The following SCAP variants were observed in gnomAD, a reference collection of about 807,000 sequenced individuals.
The protein encoded by SCAP is sterol regulatory element-binding protein cleavage-activating protein.
SCAP carries 65 observed loss-of-function variants against 123.6 expected under a neutral mutation model. The ratio of observed to expected loss-of-function variants is 0.53; its 90% confidence interval spans 0.43 to 0.65. The LOEUF is 0.65. Among genes scored for constraint, SCAP ranks in the 30% least tolerant of loss-of-function variants. The pLI is 0.00. For synonymous variants in SCAP, 740 were observed against 726.3 expected (o/e 1.02, Z -0.30); for missense variants, 1,398 against 1,712.5 (o/e 0.82, Z 3.24).
At chr3:47,464,387 T>A (rs920435579) in intron 1 of SCAP, among the ~76,000 whole-genome samples, 1 of 151,864 alleles carries the variant, frequency 6.6e-6, no homozygotes, top group African/African-American at 2.4e-5. Context: ...TTTTTTTTTT[T>A]AAAGTAGATA....
chr3:47,414,137 T>G, intron 22 of SCAP, 38 bp from the exon 23 acceptor site: 1 of 1,613,552 alleles, frequency 6.2e-7, no homozygotes, highest in East Asian at 2.2e-5. Context: ...TCCTGAGTCC[T>G]TCCCTAAAAT....
intron 3 of SCAP, among the ~76,000 whole-genome samples, chr3:47,429,508 C>T (rs754871670): frequency 9.2e-5 from 14 of 152,228 alleles, no homozygotes; most frequent in Non-Finnish European, 1.5e-4. Context: ...ACCACCACCA[C>T]GCCTAATTTT....
intron 8 of SCAP, among the ~76,000 whole-genome samples, chr3:47,424,492 T>C (rs1241743112): frequency 6.6e-6 from 1 of 152,232 alleles, no homozygotes; most frequent in African/African-American, 2.4e-5. Flanking sequence ...CTCACCTTTG[T>C]TGAGAAGCTG....
chr3:47,464,986 AAAAAC>A (rs768763943), intron 1 of SCAP, among the ~76,000 whole-genome samples: 1 of 152,184 alleles, frequency 6.6e-6, no homozygotes, highest in Non-Finnish European at 1.5e-5. Flanking sequence ...TGAACAATCT[AAAAAC>A]AAAATTAGGA....
intron 3 of SCAP, among the ~76,000 whole-genome samples, chr3:47,433,730 G>A (rs1352539200): frequency 6.6e-6 from 1 of 152,076 alleles, no homozygotes; most frequent in Non-Finnish European, 1.5e-5. Flanking sequence ...AGCCGGGTGT[G>A]GTGGCAACAT....
At chr3:47,432,760 C>T (rs1380929338) in intron 3 of SCAP, among the ~76,000 whole-genome samples, 2 of 152,186 alleles carry the variant, frequency 1.3e-5, no homozygotes, top group Non-Finnish European at 2.9e-5. Context: ...TCACTGCAGC[C>T]TTAAACTCCT....
At chr3:47,448,846 G>A (rs1206247052) in intron 1 of SCAP, among the ~76,000 whole-genome samples, 2 of 152,122 alleles carry the variant, frequency 1.3e-5, no homozygotes, top group Non-Finnish European at 2.9e-5. Flanking sequence ...GTTGCCATCT[G>A]TTGGCTGTCT....
At position 47,417,579 on chromosome 3, in the gene SCAP, C is replaced by T. The variant is rs1408897305; in HGVS notation, c.2695G>A (p.Ala899Thr). 1.3e-6 allele frequency: 2 copies of T among 1,592,268 alleles called. No individual in the cohort carries two copies. Reference sequence around the variant, plus strand: ...GAGTCCCGAGAGCGGCCACAGACCGCCCGGTGCCGGGGCTCGGGCTGAGTG... The same window carrying T: ...GAGTCCCGAGAGCGGCCACAGACCGTCCGGTGCCGGGGCTCGGGCTGAGTG... ...QPTQPEPRHR[A>T]VCGRSRDSPG... is the part of the protein sequence containing the mutation. Residue 899 changes from alanine (A) to threonine (T), a missense_variant, in exon 17 of 23, where the codon GCG becomes ACG. By Grantham distance (58) the Ala-to-Thr change is moderately conservative (BLOSUM62 0). Transcript: ENST00000265565.
chr3:47,476,405 G>A (rs1708273997), upstream of SCAP, among the ~76,000 whole-genome samples: 1 of 152,118 alleles, frequency 6.6e-6, no homozygotes, highest in Non-Finnish European at 1.5e-5. Flanking sequence ...AGGCCACAGT[G>A]AGACAAAAAA....
At chr3:47,458,540 T>C (rs921202884) in intron 1 of SCAP, among the ~76,000 whole-genome samples, 3 of 152,204 alleles carry the variant, frequency 2.0e-5, no homozygotes, top group African/African-American at 7.2e-5. Flanking sequence ...TTCAAGAAGA[T>C]GAGTACTGGC....
At chr3:47,470,651 T>A (rs2108030287) in intron 1 of SCAP, among the ~76,000 whole-genome samples, 1 of 152,128 alleles carries the variant, frequency 6.6e-6, no homozygotes, top group East Asian at 1.9e-4. Flanking sequence ...TCACCGGAGG[T>A]CAGGAGTTCA....
intron 1 of SCAP, among the ~76,000 whole-genome samples, chr3:47,460,293 C>T (rs1284364157): frequency 6.6e-6 from 1 of 152,050 alleles, no homozygotes; most frequent in Non-Finnish European, 1.5e-5. Context: ...TAAAGTAAGA[C>T]AAGCATAAGA....
At position 47,439,936 on chromosome 3, in the gene SCAP, A is replaced by G. The variant is rs938532494; in HGVS notation, c.122+2936T>C. Among the ~76,000 whole-genome samples the G allele has an allele frequency of 6.6e-6, 1 of 152,192 alleles. No homozygotes were observed. Among genetic ancestry groups the G allele is most frequent in the African/African-American group, 2.4e-5 (1 of 41,440 alleles). On this transcript the variant is annotated intron_variant, in intron 2 of 22. Transcript: ENST00000265565. The surrounding 1 kb of genome is among the most constrained non-coding windows in gnomAD (Gnocchi z 4.0). ...GTGCTGTTTGGGGTGAGCCTGATGCATATACAGATGCCCTCTCTCACTCCC... is the reference window on the plus strand; with the variant it reads ...GTGCTGTTTGGGGTGAGCCTGATGCGTATACAGATGCCCTCTCTCACTCCC...
At chr3:47,427,720 C>T (rs1706199959) in intron 4 of SCAP, 53 bp from the exon 5 acceptor site, 1 of 1,499,932 alleles carries the variant, frequency 6.7e-7, no homozygotes, top group Non-Finnish European at 9.2e-7. Context: ...ACAGGGCAGA[C>T]CTGCTGTACT....
Position 47,421,140 on chromosome 3 carries a change from C to G in SCAP, c.1246-111G>C. 3.7e-6 allele frequency: 3 copies of G among 805,512 alleles called. No individual in the cohort carries two copies. The South Asian group carries it at 4.3e-5, about 11-fold the overall frequency. 49.9% of individuals were successfully genotyped at this position (805,512 alleles called of 1,614,324 possible). A position where few individuals can be genotyped will look rare whatever the true frequency, so the allele number is the denominator to read the frequency against. On this transcript the variant is annotated intron_variant, in intron 10 of 22. Transcript: ENST00000265565. ...TCATAACCGGCAGGGCAGCAGCAGG[C>G]AGGGCACAGCAGAGATGAGAGATGC...
chr3:47,441,952 C>T (rs1442175942), intron 2 of SCAP, among the ~76,000 whole-genome samples: 2 of 132,214 alleles, frequency 1.5e-5, no homozygotes, highest in African/African-American at 5.8e-5. Context: ...AAGTGATTCT[C>T]TCACCTCAGC....
rs1348682490 is a variant in SCAP, at chr3:47,420,664, G to A, written c.1453C>T (p.Pro485Ser). Residue 485 changes from proline to serine, a missense_variant, in exon 12 of 23, where the codon CCC becomes TCC. Transcript: ENST00000265565. The surrounding 1 kb of genome is among the most constrained non-coding windows in gnomAD (Gnocchi z 5.0). ...ERQLAVRPST[P>S]HTITLQPSSF... is the part of the protein sequence containing the mutation. ...GACGGCTGCAACGTGATGGTGTGGG[G>A]TGTGGACGGCCTCACAGCCAGCTGC... is the stretch of plus-strand genomic sequence containing the variant. The A allele has an allele frequency of 6.2e-7, 1 of 1,611,896 alleles. No homozygotes were observed. Among genetic ancestry groups the A allele is most frequent in the African/African-American group, 1.3e-5 (1 of 74,878 alleles).
intron 3 of SCAP, among the ~76,000 whole-genome samples, chr3:47,430,482 G>A (rs947532347): frequency 2.0e-5 from 3 of 152,224 alleles, no homozygotes; most frequent in Non-Finnish European, 4.4e-5. Context: ...GGTAGGAGAG[G>A]AGCAGGAGGG....
chr3:47,454,383 G>GTAGATATGTGTACAGATATGTGT (rs1301385907), intron 1 of SCAP, among the ~76,000 whole-genome samples: 1 of 151,356 alleles, frequency 6.6e-6, no homozygotes, highest in African/African-American at 2.4e-5. Context: ...AAAAAGAATA[G>GTAGATATGTGTACAGATATGTGT]ACAGATGCTT....
Sources: allele counts gnomAD v4.1 joint callset (sites outside exome capture counted in the v4.1 genomes callset), GRCh38; gene constraint gnomAD v4.1.1; non-coding constraint Gnocchi (gnomAD v3.1); transcripts MANE v1.5; gene names NCBI Gene and HGNC (gene_info 2026-07-23, HGNC 2026-07-21).